ARHGAP29: variants seen among roughly 807,000 people sequenced by gnomAD.
The protein encoded by ARHGAP29 is rho GTPase-activating protein 29.
Under a neutral mutation model 122.6 loss-of-function variants are expected in ARHGAP29, and 43 were observed. The ratio of observed to expected loss-of-function variants is 0.35; its 90% CI spans 0.27 to 0.45. The LOEUF is 0.45. Ranked by LOEUF, ARHGAP29 falls within the 20% of genes least tolerant of loss-of-function variation. The pLI, the probability that ARHGAP29 is intolerant of heterozygous loss-of-function variation, is 1.00. For missense variants in ARHGAP29, 1,303 were observed against 1,477.2 expected, an observed-to-expected ratio of 0.88 and a Z score of 1.93; for synonymous variants, 506 against 497.1, an observed-to-expected ratio of 1.02 and a Z score of -0.24.
At chr1:94,282,291 ATT>A in the ARHGAP29 span, among the ~76,000 whole-genome samples, 5 of 148,614 alleles carry the variant, frequency 3.4e-5, no homozygotes, top group African/African-American at 1.3e-4. Context: ...TTATTTATTT[ATT>A]TATTTATTTT....
At chr1:94,271,085 C>A (rs1205158743) in intron 1 of ARHGAP29, among the ~76,000 whole-genome samples, 1 of 152,196 alleles carries the variant, frequency 6.6e-6, no homozygotes, top group Non-Finnish European at 1.5e-5. Flanking sequence ...GGGAGACGAT[C>A]TGAAACCAAG....
At chr1:94,297,684 G>A in the ARHGAP29 span, among the ~76,000 whole-genome samples, 4 of 152,142 alleles carry the variant, frequency 2.6e-5, no homozygotes, top group Non-Finnish European at 5.9e-5. Context: ...CTCAATAACT[G>A]ACTGGTCAGA....
At position 94,188,990 on chromosome 1, in the gene ARHGAP29, AAGGTAAAATACTGACATTCTATCAAGTG is replaced by A. The variant is rs767086445; in HGVS notation, c.1577-77_1577-50del. 6 of 1,541,172 alleles carry A rather than the reference AAGGTAAAATACTGACATTCTATCAAGTG, an allele frequency of 3.9e-6. No individual in the cohort carries two copies. In the South Asian group the frequency reaches 5.7e-5, roughly 15 times the overall value. ...AAACTTGGCTACAGGTAGATTTCAT[AAGGTAAAATACTGACATTCTATCAAGTG>A]AGACAATTCAAATTTCTTTAACAAT... On this transcript the variant is annotated intron_variant, in intron 14 of 22. Coordinates refer to ENST00000260526, the MANE Select transcript of ARHGAP29 (RefSeq NM_004815.4).
intron 12 of ARHGAP29, chr1:94,192,833 C>A (rs990401900): frequency 1.3e-5 from 2 of 151,844 alleles, no homozygotes; most frequent in Admixed American, 6.6e-5. Flanking sequence ...AAAATTAATG[C>A]TCAATATAGG....
the ARHGAP29 span, among the ~76,000 whole-genome samples, chr1:94,290,905 TG>T: frequency 6.6e-6 from 1 of 152,214 alleles, no homozygotes; most frequent in South Asian, 2.1e-4. Flanking sequence ...TCTGCTGATT[TG>T]GGGTGGAGAG....
chr1:94,271,107 G>A (rs1292715877), intron 1 of ARHGAP29, among the ~76,000 whole-genome samples: 1 of 152,206 alleles, frequency 6.6e-6, no homozygotes, highest in African/African-American at 2.4e-5. Context: ...TCTCTCATGT[G>A]ATTGTTAATG....
At chr1:94,291,362 G>T in the ARHGAP29 span, among the ~76,000 whole-genome samples, 1 of 152,112 alleles carries the variant, frequency 6.6e-6, no homozygotes, top group African/African-American at 2.4e-5. Context: ...CATGAGATGG[G>T]TATCCTGAAT....
rs1251023198 is a variant in ARHGAP29, at chr1:94,171,370, T to C, written c.*2499A>G. ...AAGTTCTCTGTAGGTAAAACATGGC[T>C]AGGGAAGTTATGATCAACCCTTCAG... On this transcript the variant is annotated 3_prime_UTR_variant, in exon 23 of 23. Coordinates refer to ENST00000260526, the MANE Select transcript of ARHGAP29 (RefSeq NM_004815.4). 1.2e-4 allele frequency among the ~76,000 whole-genome samples: 19 copies of C among 152,306 alleles called. 3 individuals carry two copies. The South Asian group carries it at 3.9e-3, about 32-fold the overall frequency.
chr1:94,178,553 G>A (rs1345211970), intron 20 of ARHGAP29, among the ~76,000 whole-genome samples: 1 of 152,068 alleles, frequency 6.6e-6, no homozygotes, highest in Non-Finnish European at 1.5e-5. Flanking sequence ...CCCTTCTGAA[G>A]ATCTCAGTTC....
upstream of ARHGAP29, among the ~76,000 whole-genome samples, chr1:94,277,497 A>G (rs1435376993): frequency 1.3e-5 from 2 of 152,162 alleles, no homozygotes. Context: ...AATTTATTAT[A>G]AAAAGTATAT....
chr1:94,231,533 A>C lies in ARHGAP29; in HGVS notation c.79T>G (p.Ser27Ala). ...CTTAAGGACTTGAGCCCCATTTCAG[A>C]AGTTGTAATATCAGTAGAGAGTTGA... Reference protein sequence around the residue: ...SGQLSTDITTSEMGLKSLSSN... With the variant: ...SGQLSTDITTAEMGLKSLSSN... Residue 27 changes from serine (S) to alanine (A), a missense_variant, in exon 2 of 23, where the codon TCT (serine) becomes GCT (alanine). This residue lies in a region of ARHGAP29 where 592 missense variants were observed against 648.2 expected (regional missense o/e 0.91). Coordinates refer to ENST00000260526, the MANE Select transcript of ARHGAP29 (RefSeq NM_004815.4). The C allele has an allele frequency of 6.2e-7, 1 of 1,613,854 alleles. No individual in the cohort carries two copies. The highest frequency in any genetic ancestry group is 8.5e-7 in the Non-Finnish European group (1 of 1,179,768).
chr1:94,252,444 T>A (rs1277028075), intron 1 of ARHGAP29, among the ~76,000 whole-genome samples: 1 of 152,198 alleles, frequency 6.6e-6, no homozygotes, highest in Admixed American at 6.5e-5. Flanking sequence ...AGTTACAGTG[T>A]CGGCTGGGGT....
At position 94,235,065 on chromosome 1, in the gene ARHGAP29, C is replaced by A. The variant is rs1435837987; in HGVS notation, c.-33+2350G>T. 5.3e-5 allele frequency among the ~76,000 whole-genome samples: 8 copies of A among 152,200 alleles called. No individual in the cohort carries two copies. In the East Asian group the frequency reaches 1.4e-3, roughly 26 times the overall value. On this transcript the variant is annotated intron_variant, in intron 1 of 22. Coordinates refer to ENST00000260526, the MANE Select transcript of ARHGAP29 (RefSeq NM_004815.4). Reference sequence around the variant, plus strand: ...AACACAGCAACAACAACATCAAACACATGGCAAGGAGAAGAGGAACTCTTT... The same window carrying A: ...AACACAGCAACAACAACATCAAACAAATGGCAAGGAGAAGAGGAACTCTTT...
intron 1 of ARHGAP29, among the ~76,000 whole-genome samples, chr1:94,270,174 T>A (rs1280973431): frequency 6.6e-6 from 1 of 152,188 alleles, no homozygotes; most frequent in Non-Finnish European, 1.5e-5. Flanking sequence ...GTCAGATACA[T>A]ACACTCTAGA....
At chr1:94,188,706 T>G in intron 15 of ARHGAP29, 131 bp downstream of exon 15, 1 of 764,548 alleles carries the variant, frequency 1.3e-6, no homozygotes, top group Non-Finnish European at 2.1e-6. Context: ...TTAAAAACTA[T>G]TTTTTAAATT....
chr1:94,282,657 G>A, the ARHGAP29 span, among the ~76,000 whole-genome samples: 1 of 152,100 alleles, frequency 6.6e-6, no homozygotes, highest in Non-Finnish European at 1.5e-5. Flanking sequence ...TGAGATTTGA[G>A]AGCCCCATAG....
At chr1:94,215,866 G>T (rs1651929845) in intron 3 of ARHGAP29, among the ~76,000 whole-genome samples, 1 of 152,002 alleles carries the variant, frequency 6.6e-6, no homozygotes. Context: ...AATACTAAAA[G>T]GAGACCTACC....
chr1:94,231,616 T>G lies in ARHGAP29; in HGVS notation c.-5A>C. 6.2e-7 allele frequency: 1 copy of G among 1,611,772 alleles called. No homozygotes were observed. Among genetic ancestry groups the G allele is most frequent in the Non-Finnish European group, 8.5e-7 (1 of 1,179,172 alleles). On this transcript the variant is annotated 5_prime_UTR_variant, in exon 2 of 23. Coordinates refer to ENST00000260526, the MANE Select transcript of ARHGAP29 (RefSeq NM_004815.4). The stretch of plus-strand genomic sequence containing the variant: ...TTTCTGTTTGTGAGCAATCATCCTT[T>G]CATGTAACAGTCAGAAAAACTGAAA...
At chr1:94,199,722 C>T (rs192073592) in intron 12 of ARHGAP29, among the ~76,000 whole-genome samples, 1 of 152,192 alleles carries the variant, frequency 6.6e-6, no homozygotes, top group Non-Finnish European at 1.5e-5. Context: ...GTTTACCTTG[C>T]CTTTCCTGAG....
Sources: gnomAD v4.1 joint callset for allele counts (sites outside exome capture counted in the v4.1 genomes callset) on GRCh38, gnomAD v4.1.1 for gene constraint, gnomAD v4.1.1 regional missense constraint, MANE v1.5 for transcripts, NCBI Gene and HGNC (gene_info 2026-07-23, HGNC 2026-07-21) for gene names.